Variants in PITPNC1 observed in about 807,000 individuals in gnomAD.
The protein encoded by PITPNC1 is phosphatidylinositol transfer protein cytoplasmic 1.
In PITPNC1, 18 loss-of-function variants were observed where a neutral mutation model predicts 44.7. The ratio of observed to expected loss-of-function variants is 0.40; its 90% CI spans 0.28 to 0.60. The LOEUF is 0.60. Among genes scored for constraint, PITPNC1 ranks in the 20% least tolerant of loss-of-function variants. The pLI is 0.39. For synonymous variants in PITPNC1, 141 were observed against 149.6 expected, an observed-to-expected ratio of 0.94 and a Z score of 0.42; for missense variants, 290 against 418.4, an observed-to-expected ratio of 0.69 and a Z score of 2.68.
chr17:67,461,730 C>T (rs1321650302), intron 1 of PITPNC1, among the ~76,000 whole-genome samples: 1 of 152,158 alleles, frequency 6.6e-6, no homozygotes, highest in African/African-American at 2.4e-5. Flanking sequence ...AAGAGGATGG[C>T]TTGAGGGCAG....
intron 5 of PITPNC1, among the ~76,000 whole-genome samples, chr17:67,630,563 G>A (rs2041953078): frequency 6.6e-6 from 1 of 152,080 alleles, no homozygotes; most frequent in Non-Finnish European, 1.5e-5. Flanking sequence ...AGATTGCAGT[G>A]AGCTCAGATC....
rs1315332905 is a variant in PITPNC1, at chr17:67,631,645, A to C, written c.367-498A>C. Among the ~76,000 whole-genome samples the C allele has an allele frequency of 2.5e-4, 2 of 7,996 alleles. 1 individual carries two copies. Among genetic ancestry groups the C allele is most frequent in the Non-Finnish European group, 6.4e-4 (2 of 3,122 alleles). 5.2% of individuals were successfully genotyped at this position (7,996 alleles called of 152,430 possible). On this transcript the variant is annotated intron_variant, in intron 5 of 8. Transcript: ENST00000581322. ...CTCCGTCTCAAAAACCAAAAAAAAAAAAAAAAAAAAAAATATATATATATA... is the reference window on the plus strand; with the variant it reads ...CTCCGTCTCAAAAACCAAAAAAAAACAAAAAAAAAAAAATATATATATATA...
intron 1 of PITPNC1, among the ~76,000 whole-genome samples, chr17:67,427,627 C>T (rs539656809): frequency 3.5e-4 from 53 of 152,324 alleles, no homozygotes; most frequent in Non-Finnish European, 5.7e-4. Context: ...ATTGGCTGCA[C>T]CCGAGCTTGG....
At chr17:67,386,175 G>A (rs753028473) in intron 1 of PITPNC1, among the ~76,000 whole-genome samples, 42 of 152,120 alleles carry the variant, frequency 2.8e-4, no homozygotes, top group Non-Finnish European at 4.3e-4. Context: ...TTTATTGTAG[G>A]CATTAAAAGA....
At chr17:67,609,834 C>T (rs1228908872) in intron 5 of PITPNC1, among the ~76,000 whole-genome samples, 2 of 151,242 alleles carry the variant, frequency 1.3e-5, no homozygotes, top group Non-Finnish European at 2.9e-5. Context: ...GCTTTTTGTA[C>T]CCAAGCTTGG....
intron 1 of PITPNC1, among the ~76,000 whole-genome samples, chr17:67,506,817 A>G (rs4791288): frequency 0.42 from 63,566 of 151,570 alleles, 14,039 homozygotes; most frequent in East Asian, 0.62. Context: ...AGTTAGAAAA[A>G]GCACATTTCA....
At chr17:67,574,949 AAAAT>A (rs1366152512) in intron 4 of PITPNC1, among the ~76,000 whole-genome samples, 1 of 152,148 alleles carries the variant, frequency 6.6e-6, no homozygotes, top group East Asian at 1.9e-4. Context: ...TCCCCACTCA[AAAAT>A]AACAACATCT....
chr17:67,600,132 A>C (rs1386029879), intron 5 of PITPNC1, among the ~76,000 whole-genome samples: 7 of 152,164 alleles, frequency 4.6e-5, no homozygotes, highest in Non-Finnish European at 1.0e-4. Flanking sequence ...AGGTGAAAGG[A>C]ACCTGAAAAG....
chr17:67,558,557 C>A (rs1222910626), intron 4 of PITPNC1, among the ~76,000 whole-genome samples: 1 of 151,932 alleles, frequency 6.6e-6, no homozygotes, highest in East Asian at 1.9e-4. Flanking sequence ...GGATTTTCTT[C>A]TTGTTTGTAG....
chr17:67,548,474 C>G (rs948124309), intron 2 of PITPNC1, among the ~76,000 whole-genome samples: 1 of 152,058 alleles, frequency 6.6e-6, no homozygotes, highest in African/African-American at 2.4e-5. Flanking sequence ...ACCTGTAATC[C>G]CAGCTACATG....
chr17:67,495,065 T>TTA (rs2039931513), intron 1 of PITPNC1, among the ~76,000 whole-genome samples: 1 of 87,928 alleles, frequency 1.1e-5, no homozygotes, highest in Non-Finnish European at 2.3e-5. Context: ...TTTTTTTTTT[T>TTA]TTTTTTTTTG....
intron 1 of PITPNC1, among the ~76,000 whole-genome samples, chr17:67,462,721 A>G (rs1449951819): frequency 3.2e-4 from 26 of 80,954 alleles, no homozygotes; most frequent in African/African-American, 1.1e-3. Flanking sequence ...TTTTTTTTTG[A>G]GATGGAGTTT....
At chr17:67,673,966 C>CAAAAAAAAAAAAAAAA (rs34458518) in intron 7 of PITPNC1, among the ~76,000 whole-genome samples, 2 of 84,884 alleles carry the variant, frequency 2.4e-5, no homozygotes, top group Admixed American at 1.6e-4. Context: ...GACTCCGTCT[C>CAAAAAAAAAAAAAAAA]AAAAAAAAAA....
At chr17:67,423,714 G>A (rs2038702738) in intron 1 of PITPNC1, among the ~76,000 whole-genome samples, 1 of 152,104 alleles carries the variant, frequency 6.6e-6, no homozygotes, top group South Asian at 2.1e-4. Flanking sequence ...TGGAGCAAAG[G>A]ACAAATGGAA....
chr17:67,675,073 G>T lies in PITPNC1; in HGVS notation c.619-406G>T, dbSNP rs577617082. On this transcript the variant is annotated intron_variant, in intron 7 of 8. Transcript: ENST00000581322. ...AGTGTTCTAGATTTCCAAAATTTAT[G>T]ACCTCCTGGCACCAGTGAGACACAC... 1.5e-4 allele frequency among the ~76,000 whole-genome samples: 23 copies of T among 150,388 alleles called. No homozygotes were observed. The South Asian group carries it at 3.0e-3, about 19-fold the overall frequency.
intron 6 of PITPNC1, among the ~76,000 whole-genome samples, chr17:67,655,338 C>G (rs1555577701): frequency 6.6e-6 from 1 of 151,698 alleles, no homozygotes. Context: ...ATGAGCGGAT[C>G]ACGAGGTCAG....
intron 4 of PITPNC1, among the ~76,000 whole-genome samples, chr17:67,576,121 C>T (rs1485519440): frequency 1.3e-5 from 2 of 151,982 alleles, no homozygotes; most frequent in African/African-American, 4.8e-5. Flanking sequence ...AGGTGATATG[C>T]CTGCCTTGGT....
At chr17:67,671,362 C>G (rs562103828) in intron 7 of PITPNC1, among the ~76,000 whole-genome samples, 1 of 152,262 alleles carries the variant, frequency 6.6e-6, no homozygotes, top group South Asian at 2.1e-4. Flanking sequence ...TCTCTACATT[C>G]CAGATAGGCT....
At chr17:67,577,371 T>C (rs2041164015) in intron 4 of PITPNC1, among the ~76,000 whole-genome samples, 1 of 152,072 alleles carries the variant, frequency 6.6e-6, no homozygotes, top group South Asian at 2.1e-4. Flanking sequence ...GCAGATCTTT[T>C]GAGCTCAGGA....
Sources: gnomAD v4.1 joint callset for allele counts (sites outside exome capture counted in the v4.1 genomes callset) on GRCh38, gnomAD v4.1.1 for gene constraint, MANE v1.5 for transcripts, NCBI Gene and HGNC (gene_info 2026-07-23, HGNC 2026-07-21) for gene names.